The following TRPC3 variants were observed in gnomAD, a reference collection of about 807,000 sequenced individuals.
The protein encoded by TRPC3 is transient receptor potential cation channel subfamily C member 3, also known as short transient receptor potential channel 3.
TRPC3 carries 54 observed loss-of-function variants against 90.9 expected under a neutral mutation model. The observed-to-expected ratio is 0.59, with a 90% CI of 0.48 to 0.75. The LOEUF is 0.75. Among genes scored for constraint, TRPC3 ranks in the 30% least tolerant of loss-of-function variants. TRPC3 has a pLI of 0.00. For synonymous variants in TRPC3, 424 were observed against 450.9 expected, an observed-to-expected ratio of 0.94 and a Z score of 0.75; for missense variants, 918 against 1,194.5, an observed-to-expected ratio of 0.77 and a Z score of 3.41.
At position 121,878,396 on chromosome 4, in the gene TRPC3, A is replaced by C. The variant is rs947787278; in HGVS notation, c.*1340T>G. 1.6e-4 allele frequency among the ~76,000 whole-genome samples: 25 copies of C among 152,200 alleles called. No homozygotes were observed. Among genetic ancestry groups the C allele is most frequent in the African/African-American group, 5.8e-4 (24 of 41,454 alleles). On this transcript the variant is annotated 3_prime_UTR_variant, in exon 12 of 12. Coordinates refer to ENST00000379645, the MANE Select transcript of TRPC3 (RefSeq NM_001130698.2). ...TAGTTGGTTTTAAGGACCTCTGAAA[A>C]TCTTTGATCTATGATCACAATTCGT...
chr4:121,880,967 A>G (rs578096178), intron 11 of TRPC3, among the ~76,000 whole-genome samples: 35 of 152,226 alleles, frequency 2.3e-4, no homozygotes, highest in African/African-American at 7.2e-4. Context: ...GCAAAAAAAA[A>G]AAAAAGTGCT....
chr4:121,904,566 T>C, intron 7 of TRPC3, 49 bp from the exon 8 acceptor site: 3 of 1,409,688 alleles, frequency 2.1e-6, no homozygotes, highest in African/African-American at 1.5e-5. Flanking sequence ...GTTTTCAATA[T>C]CTAAGAGTGA....
Position 121,904,455 on chromosome 4 carries a change from A to G in TRPC3, c.2120T>C (p.Val707Ala). The change falls in exon 8 of 12, where the codon GTT becomes GCT. Residue 707 changes from valine (V) to alanine (A), a missense_variant. Transcript: ENST00000379645. ...GAATTTGTGATCATATTTGAGCACA[A>G]CGGAAGTCACTTCAGACAACCCAAA... ...SIFGLSEVTS[V>A]VLKYDHKFIE... 4 of 1,599,696 alleles carry G rather than the reference A, an allele frequency of 2.5e-6. No homozygotes were observed. Among genetic ancestry groups the G allele is most frequent in the Non-Finnish European group, 3.4e-6 (4 of 1,175,034 alleles).
chr4:121,944,899 A>G (rs1730434805), intron 1 of TRPC3, among the ~76,000 whole-genome samples: 4 of 152,226 alleles, frequency 2.6e-5, no homozygotes, highest in South Asian at 2.1e-4. Context: ...ACAGGAGGCC[A>G]CAGTGCGAAC....
At position 121,932,816 on chromosome 4, in the gene TRPC3, G is replaced by A; in HGVS notation, c.442C>T (p.Gln148Ter). The A allele has an allele frequency of 6.2e-7, 1 of 1,610,120 alleles. No homozygotes were observed. The highest frequency in any genetic ancestry group is 8.5e-7 in the Non-Finnish European group (1 of 1,177,096). The change falls in exon 2 of 12, where the codon CAG (glutamine) becomes TAG (stop). Residue 148 changes from glutamine to a stop codon, truncating the protein, a stop_gained. Transcript: ENST00000379645. LOFTEE classifies it high-confidence loss of function. This position sits in a 1 kb window ranked among gnomAD's most constrained non-coding sequence, Gnocchi z 7.7. ...LNVNCVDYMGQNALQLAVGNE... is the reference protein window; with the variant it reads ...LNVNCVDYMG Reference sequence around the variant, plus strand: ...CCCACAGCCAGCTGCAGCGCGTTCTGGCCCATGTAGTCCACGCAGTTGACG... The same window carrying A: ...CCCACAGCCAGCTGCAGCGCGTTCTAGCCCATGTAGTCCACGCAGTTGACG...
intron 9 of TRPC3, among the ~76,000 whole-genome samples, chr4:121,900,173 TG>T: frequency 6.6e-6 from 1 of 152,238 alleles, no homozygotes; most frequent in Admixed American, 6.5e-5. Context: ...CAAAGCATCT[TG>T]GCCTTATGCT....
chr4:121,907,175 GT>G (rs1728909041), intron 7 of TRPC3, 127 bp downstream of exon 7: 1 of 920,868 alleles, frequency 1.1e-6, no homozygotes, highest in East Asian at 2.5e-5. Context: ...AGCACTAACT[GT>G]TTTTGATGGA....
intron 10 of TRPC3, among the ~76,000 whole-genome samples, chr4:121,884,689 G>A (rs1326388334): frequency 6.6e-6 from 1 of 152,144 alleles, no homozygotes; most frequent in Non-Finnish European, 1.5e-5. Context: ...CTACTGAAAA[G>A]GAAAAGCTCA....
At chr4:121,883,971 A>T (rs1328687395) in intron 10 of TRPC3, among the ~76,000 whole-genome samples, 5 of 152,206 alleles carry the variant, frequency 3.3e-5, no homozygotes, top group Non-Finnish European at 5.9e-5. Context: ...GAACCAAGAG[A>T]CATACAACAA....
intron 6 of TRPC3, among the ~76,000 whole-genome samples, chr4:121,908,317 G>C (rs548634082): frequency 7.9e-4 from 120 of 152,272 alleles, no homozygotes; most frequent in African/African-American, 2.8e-3. Context: ...AAAGCACTTT[G>C]AAGATTTCTC....
chr4:121,921,621 T>TTCCTTGGTG (rs1321922268), intron 3 of TRPC3, among the ~76,000 whole-genome samples: 1 of 151,996 alleles, frequency 6.6e-6, no homozygotes, highest in Non-Finnish European at 1.5e-5. Flanking sequence ...AATTATGGGT[T>TTCCTTGGTG]GATTTGAATA....
chr4:121,938,191 T>G (rs112964466), intron 1 of TRPC3, among the ~76,000 whole-genome samples: 2 of 152,160 alleles, frequency 1.3e-5, no homozygotes, highest in Non-Finnish European at 2.9e-5. Flanking sequence ...AGTTTCTAAA[T>G]CTCTTCCTAG....
At chr4:121,909,284 CT>C (rs1729002509) in intron 6 of TRPC3, among the ~76,000 whole-genome samples, 1 of 152,040 alleles carries the variant, frequency 6.6e-6, no homozygotes, top group African/African-American at 2.4e-5. Flanking sequence ...TAACATGCTC[CT>C]TGTACTCATC....
intron 1 of TRPC3, among the ~76,000 whole-genome samples, chr4:121,938,001 C>G (rs1490290758): frequency 2.7e-5 from 4 of 149,174 alleles, no homozygotes; most frequent in Non-Finnish European, 5.9e-5. Flanking sequence ...CTCCCGGGCT[C>G]AAGTGTCTGA....
At position 121,911,889 on chromosome 4, in the gene TRPC3, C is replaced by T; in HGVS notation, c.1546G>A (p.Val516Ile). The change falls in exon 5 of 12, where the codon GTC becomes ATC. Residue 516 changes from valine to isoleucine, a missense_variant. By Grantham distance (29) the Val-to-Ile change is conservative. Coordinates refer to ENST00000379645, the MANE Select transcript of TRPC3 (RefSeq NM_001130698.2). ...ATAAAAGACTTACCAAGAACCCAGA[C>T]CATAATTAGCATTTCAGTCCATGTA... is the stretch of plus-strand genomic sequence containing the variant. ...QFTWTEMLIMVWVLGMMWSEC... is the reference protein window; with the variant it reads ...QFTWTEMLIMIWVLGMMWSEC... 1.2e-6 allele frequency: 2 copies of T among 1,612,682 alleles called. No individual in the cohort carries two copies. Among genetic ancestry groups the T allele is most frequent in the Non-Finnish European group, 1.7e-6 (2 of 1,179,232 alleles).
intron 10 of TRPC3, among the ~76,000 whole-genome samples, chr4:121,886,653 G>GT (rs998009562): frequency 6.6e-5 from 10 of 152,076 alleles, no homozygotes; most frequent in Non-Finnish European, 1.5e-4. Flanking sequence ...GAATAAATTT[G>GT]TTTTTTATTC....
intron 2 of TRPC3, chr4:121,930,830 TAAAAAAAAAA>T (rs71599162): frequency 1.1e-5 from 2 of 190,268 alleles, no homozygotes; most frequent in East Asian, 1.9e-4. Flanking sequence ...CTCTGAGATC[TAAAAAAAAAA>T]AAAAAAAAAA....
chr4:121,937,172 T>G (rs1560716507), intron 1 of TRPC3, among the ~76,000 whole-genome samples: 1 of 152,208 alleles, frequency 6.6e-6, no homozygotes, highest in Non-Finnish European at 1.5e-5. Flanking sequence ...GACTGCTTGT[T>G]GAAATCAGAT....
At position 121,951,351 on chromosome 4, in the gene TRPC3, C is replaced by T. The variant is rs914890106; in HGVS notation, c.215+115G>A. 2.1e-5 allele frequency: 13 copies of T among 623,120 alleles called. No homozygotes were observed. The highest frequency in any genetic ancestry group is 1.7e-5 in the Non-Finnish European group (8 of 469,224). The allele number at this position is 623,120 out of a possible 1,614,324, so 38.6% of individuals were successfully genotyped here. On this transcript the variant is annotated intron_variant, in intron 1 of 11. Transcript: ENST00000379645. This position sits in a 1 kb window ranked among gnomAD's most constrained non-coding sequence, Gnocchi z 4.4. ...CTCCAAATCGAACTGCCTGGCCGTA[C>T]CATGTGGGTCTCGGAGGTCCCGGGC... is the stretch of plus-strand genomic sequence containing the variant.
Sources: gnomAD v4.1 joint callset for allele counts (sites outside exome capture counted in the v4.1 genomes callset) on GRCh38, gnomAD v4.1.1 for gene constraint, Gnocchi (gnomAD v3.1) non-coding constraint, MANE v1.5 for transcripts, NCBI Gene and HGNC (gene_info 2026-07-23, HGNC 2026-07-21) for gene names.